Variants in KLHL3 observed in about 807,000 individuals in gnomAD.
The protein encoded by KLHL3 is kelch-like protein 3.
Under a neutral mutation model 70.5 loss-of-function variants are expected in KLHL3, and 19 were observed. The observed-to-expected ratio is 0.27, with a 90% CI of 0.19 to 0.40. The LOEUF (loss-of-function observed/expected upper bound fraction) is 0.40, where lower values mean the gene tolerates loss of function less well. KLHL3 is among the 10% of genes least tolerant of loss of function. The probability of loss-of-function intolerance (pLI) is 1.00; values close to 1 mark genes in which losing one functional copy is unlikely to be tolerated. For missense variants in KLHL3, 512 were observed against 771.1 expected (o/e 0.66, Z 3.98); for synonymous variants, 258 against 290.3 (o/e 0.89, Z 1.13).
Position 137,639,842 on chromosome 5 carries a change from AACTGGGAGGCT to A in KLHL3, c.1021+7_1021+17del. The A allele has an allele frequency of 6.3e-7, 1 of 1,595,654 alleles. No homozygotes were observed. The highest frequency in any genetic ancestry group is 8.6e-7 in the Non-Finnish European group (1 of 1,163,108). ...CCAGCAGGGGAAAAACAGCTTGCAG[AACTGGGAGGCT>A]GCTCACCTGCTCTGCATCTTCTGGA... On this transcript the variant is annotated splice_region_variant and intron_variant, in intron 9 of 14. Coordinates refer to ENST00000309755, the MANE Select transcript of KLHL3 (RefSeq NM_017415.3). This position sits in a 1 kb window ranked among gnomAD's most constrained non-coding sequence, Gnocchi z 5.0.
chr5:137,628,539 C>T, intron 12 of KLHL3, 102 bp from the exon 13 acceptor site: 2 of 1,332,896 alleles, frequency 1.5e-6, no homozygotes, highest in East Asian at 4.6e-5. Context: ...AGTGAGGGGA[C>T]TTGGGGAGTG....
chr5:137,687,089 C>T (rs1752195932), intron 5 of KLHL3, among the ~76,000 whole-genome samples: 2 of 99,126 alleles, frequency 2.0e-5, no homozygotes, highest in Non-Finnish European at 4.4e-5. Flanking sequence ...CAGCCCCCCG[C>T]CCGGCCAGCC....
intron 13 of KLHL3, among the ~76,000 whole-genome samples, 195 bp from the exon 14 acceptor site, chr5:137,626,091 T>C (rs1486712524): frequency 6.6e-6 from 1 of 152,114 alleles, no homozygotes; most frequent in Admixed American, 6.5e-5. Flanking sequence ...GCTCCAAGGA[T>C]CCTTCTTCCT....
chr5:137,697,315 C>T (rs1752470139), intron 4 of KLHL3, among the ~76,000 whole-genome samples: 1 of 152,142 alleles, frequency 6.6e-6, no homozygotes, highest in Admixed American at 6.5e-5. Flanking sequence ...AGGCACCTGC[C>T]ACCACGCCCA....
chr5:137,663,056 C>CTTGTTT (rs1751522005), intron 6 of KLHL3, among the ~76,000 whole-genome samples: 2 of 77,928 alleles, frequency 2.6e-5, no homozygotes, highest in East Asian at 4.3e-4. Flanking sequence ...AGCACTCGTT[C>CTTGTTT]TTTTTTTTTT....
Position 137,735,630 on chromosome 5 carries a change from T to C in KLHL3, c.14+3A>G. Reference sequence around the variant, plus strand: ...AACACAGCACACACTTATACATACATACCTTTCACCCTCCATTGTGTGAGG... The same window carrying C: ...AACACAGCACACACTTATACATACACACCTTTCACCCTCCATTGTGTGAGG... On this transcript the variant is annotated splice_donor_region_variant and intron_variant, in intron 1 of 14. Transcript: ENST00000309755. The C allele has an allele frequency of 6.2e-7, 1 of 1,607,840 alleles. No individual in the cohort carries two copies. The highest frequency in any genetic ancestry group is 8.5e-7 in the Non-Finnish European group (1 of 1,174,302).
At chr5:137,672,935 A>C (rs1414814604) in intron 6 of KLHL3, 1 of 152,288 alleles carries the variant, frequency 6.6e-6, no homozygotes, top group Non-Finnish European at 1.5e-5. Flanking sequence ...CATGTGGAAG[A>C]ATCAGATGCC....
At position 137,628,354 on chromosome 5, in the gene KLHL3, G is replaced by T. The variant is rs766684302; in HGVS notation, c.1534C>A (p.Pro512Thr). The change falls in exon 13 of 15, where the codon CCT becomes ACT. Residue 512 changes from proline to threonine, a missense_variant. Pro to Thr is a conservative substitution (Grantham distance 38, BLOSUM62 -1). Transcript: ENST00000309755. The part of the protein sequence containing the change: ...LVRKSVEVYD[P>T]GTNTWKQVAD... Reference sequence around the variant, plus strand: ...ACTTGCTTCCAGGTATTTGTTCCAGGATCGTAAACCTCAACGCTCTTCCTC... The same window carrying T: ...ACTTGCTTCCAGGTATTTGTTCCAGTATCGTAAACCTCAACGCTCTTCCTC... The T allele has an allele frequency of 3.7e-6, 6 of 1,613,898 alleles. No individual in the cohort carries two copies. In the African/African-American group the frequency reaches 8.0e-5, roughly 22 times the overall value.
rs70979549 is a variant in KLHL3 at position 137,631,069 on chromosome 5, CAAAAAAAA to C, written c.1451-2640_1451-2633del. Among the ~76,000 whole-genome samples the C allele has an allele frequency of 3.2e-4, 34 of 105,772 alleles. No homozygotes were observed. In the Middle Eastern group the frequency reaches 0.021, roughly 65 times the overall value. The allele number at this position is 105,772 out of a possible 152,430, so 69.4% of individuals were successfully genotyped here. A position where few individuals can be genotyped will look rare whatever the true frequency, so the allele number is the denominator to read the frequency against. ...GATCACAACTCAATCTCCAAAAATA[CAAAAAAAA>C]AAAAAAAAAAAAAGAGAGAGAGAGA... On this transcript the variant is annotated intron_variant, in intron 12 of 14. Transcript: ENST00000309755.
chr5:137,704,626 C>A (rs1752648097), intron 3 of KLHL3, among the ~76,000 whole-genome samples: 3 of 152,210 alleles, frequency 2.0e-5, no homozygotes, highest in Admixed American at 1.3e-4. Context: ...TAAACCCAAA[C>A]AAGTCTACCT....
intron 2 of KLHL3, among the ~76,000 whole-genome samples, chr5:137,717,495 A>C (rs1250002377): frequency 6.6e-6 from 1 of 152,274 alleles, no homozygotes; most frequent in Non-Finnish European, 1.5e-5. Flanking sequence ...ACACCACTGC[A>C]TTCCGGCCTG....
chr5:137,627,841 T>C (rs1750516792), intron 13 of KLHL3, among the ~76,000 whole-genome samples: 1 of 152,212 alleles, frequency 6.6e-6, no homozygotes, highest in South Asian at 2.1e-4. Flanking sequence ...AGGGTCCAAC[T>C]GTCCCTGCAA....
intron 1 of KLHL3, among the ~76,000 whole-genome samples, chr5:137,732,112 C>G (rs2149940504): frequency 6.6e-6 from 1 of 152,190 alleles, no homozygotes; most frequent in East Asian, 1.9e-4. Context: ...ATTTCCAGAA[C>G]TGAAATAAAA....
At position 137,736,042 on chromosome 5, in the gene KLHL3, T is replaced by A; in HGVS notation, c.-396A>T. On this transcript the variant is annotated 5_prime_UTR_variant, in exon 1 of 15. Transcript: ENST00000309755. Reference sequence around the variant, plus strand: ...CCCAGGCATCCCCAGCCCAGGCGATTAGCCCGCCCCTGGGGCTCCTGCCTC... The same window carrying A: ...CCCAGGCATCCCCAGCCCAGGCGATAAGCCCGCCCCTGGGGCTCCTGCCTC... The A allele has an allele frequency of 2.9e-6, 1 of 342,810 alleles. No homozygotes were observed. The highest frequency in any genetic ancestry group is 2.7e-5 in the South Asian group (1 of 36,570). 21.2% of individuals were successfully genotyped at this position (342,810 alleles called of 1,614,324 possible). A position where few individuals can be genotyped will look rare whatever the true frequency, so the allele number is the denominator to read the frequency against.
chr5:137,731,131 A>T (rs931304717), intron 1 of KLHL3, among the ~76,000 whole-genome samples: 1 of 152,244 alleles, frequency 6.6e-6, no homozygotes, highest in Non-Finnish European at 1.5e-5. Flanking sequence ...CTGTTTTACC[A>T]GTTCAAAACT....
chr5:137,662,303 C>A (rs1751502776), intron 6 of KLHL3, among the ~76,000 whole-genome samples: 1 of 147,736 alleles, frequency 6.8e-6, no homozygotes, highest in African/African-American at 2.5e-5. Flanking sequence ...ACCTGCTATC[C>A]CAAATGTAGA....
In KLHL3 at chr5:137,628,341, G is replaced by A; in HGVS notation, c.1547C>T (p.Thr516Ile). Residue 516 changes from threonine to isoleucine, a missense_variant, in exon 13 of 15, where the codon ACC becomes ATC. Transcript: ENST00000309755. Reference protein sequence around the residue: ...SVEVYDPGTNTWKQVADMNMC... With the variant: ...SVEVYDPGTNIWKQVADMNMC... ...GTTCATGTCTGCCACTTGCTTCCAG[G>A]TATTTGTTCCAGGATCGTAAACCTC... is the stretch of plus-strand genomic sequence containing the variant. 1 of 1,614,014 alleles carries A rather than the reference G, an allele frequency of 6.2e-7. No individual in the cohort carries two copies. The highest frequency in any genetic ancestry group is 2.2e-5 in the East Asian group (1 of 44,858).
chr5:137,639,966 C>T lies in KLHL3; in HGVS notation c.915G>A (p.Val305=). 1 of 1,614,122 alleles carries T rather than the reference C, an allele frequency of 6.2e-7. No homozygotes were observed. Among genetic ancestry groups the T allele is most frequent in the Non-Finnish European group, 8.5e-7 (1 of 1,179,978 alleles). ...TPVSLPKVMI[V]VGGQAPKAIR... is the part of the protein sequence containing the mutation. ...TTGCCTTGGGTGCCTGGCCGCCAAC[C>T]ACAATCATGACCTCCGGAGAGACAA... Residue 305 remains valine (V), a synonymous_variant, in exon 9 of 15, where the codon GTG becomes GTA. Coordinates refer to ENST00000309755, the MANE Select transcript of KLHL3 (RefSeq NM_017415.3). This position sits in a 1 kb window ranked among gnomAD's most constrained non-coding sequence, Gnocchi z 5.0.
chr5:137,631,497 T>C (rs1449581318), intron 12 of KLHL3, among the ~76,000 whole-genome samples: 1 of 152,242 alleles, frequency 6.6e-6, no homozygotes, highest in Non-Finnish European at 1.5e-5. Context: ...TGGCTTTCAA[T>C]TCCAGACAGG....
Sources: allele counts gnomAD v4.1 joint callset (sites outside exome capture counted in the v4.1 genomes callset), GRCh38; gene constraint gnomAD v4.1.1; non-coding constraint Gnocchi (gnomAD v3.1); transcripts MANE v1.5; gene names NCBI Gene and HGNC (gene_info 2026-07-23, HGNC 2026-07-21).